The following OR9Q1 variants were observed in gnomAD, a reference collection of about 807,000 sequenced individuals.
OR9Q1 encodes olfactory receptor family 9 subfamily Q member 1, also known as olfactory receptor 9Q1.
For synonymous variants in OR9Q1, 153 were observed against 148.6 expected (o/e 1.03, Z -0.22); for missense variants, 374 against 378.8 (o/e 0.99, Z 0.11).
chr11:58,030,009 C>CT (rs1260652405), intron 1 of OR9Q1, among the ~76,000 whole-genome samples: 1 of 151,850 alleles, frequency 6.6e-6, no homozygotes, highest in Non-Finnish European at 1.5e-5. Context: ...GCTGGGCTAA[C>CT]TTTTGTACTT....
At chr11:58,054,107 C>T (rs1205414670) in intron 1 of OR9Q1, among the ~76,000 whole-genome samples, 1 of 152,090 alleles carries the variant, frequency 6.6e-6, no homozygotes, top group Non-Finnish European at 1.5e-5. Flanking sequence ...CCCATGAATA[C>T]ATACAATTTT....
At chr11:58,129,846 GC>G (rs1286468655) in intron 2 of OR9Q1, among the ~76,000 whole-genome samples, 5 of 151,298 alleles carry the variant, frequency 3.3e-5, no homozygotes, top group African/African-American at 1.2e-4. Flanking sequence ...AGAGGGCAGG[GC>G]TTTTTTTTTC....
chr11:58,094,634 G>A (rs1029219300), intron 2 of OR9Q1, among the ~76,000 whole-genome samples: 6 of 152,126 alleles, frequency 3.9e-5, no homozygotes, highest in African/African-American at 1.4e-4. Flanking sequence ...GAAACATTTA[G>A]TGATATGTTA....
chr11:58,127,570 G>C (rs981573868), intron 2 of OR9Q1, among the ~76,000 whole-genome samples: 7 of 152,282 alleles, frequency 4.6e-5, no homozygotes, highest in Non-Finnish European at 1.0e-4. Flanking sequence ...CTGCCTCCAA[G>C]TGGTGTGACT....
chr11:58,179,835 C>A lies in OR9Q1; in HGVS notation c.391C>A (p.Leu131Ile), dbSNP rs768038693. 1.9e-6 allele frequency: 3 copies of A among 1,614,040 alleles called. No homozygotes were observed. The highest frequency in any genetic ancestry group is 1.3e-5 in the African/African-American group (1 of 74,946). Residue 131 changes from leucine to isoleucine, a missense_variant, in exon 3 of 3, where the codon CTT becomes ATT. Physicochemically the swap from Leu to Ile is conservative, Grantham distance 5. Coordinates refer to ENST00000335397, the MANE Select transcript of OR9Q1 (RefSeq NM_001005212.4). ...CTACTTGGCTGTGTGCCAGCCCCTGCTTTATGTCACCATCCTGACACAGCA... is the reference window on the plus strand; with the variant it reads ...CTACTTGGCTGTGTGCCAGCCCCTGATTTATGTCACCATCCTGACACAGCA... Reference protein sequence around the residue: ...DRYLAVCQPLLYVTILTQQAR... With the variant: ...DRYLAVCQPLIYVTILTQQAR...
chr11:58,053,752 G>T (rs1853299260), intron 1 of OR9Q1, among the ~76,000 whole-genome samples: 1 of 147,040 alleles, frequency 6.8e-6, no homozygotes, highest in Non-Finnish European at 1.5e-5. Flanking sequence ...CTTCATGGCT[G>T]AGACACTCTT....
At chr11:58,126,888 G>A (rs1565084224) in intron 2 of OR9Q1, among the ~76,000 whole-genome samples, 1 of 152,054 alleles carries the variant, frequency 6.6e-6, no homozygotes, top group Non-Finnish European at 1.5e-5. Flanking sequence ...TTGACACATT[G>A]GGGGATCTAG....
chr11:58,034,072 T>G, intron 1 of OR9Q1, among the ~76,000 whole-genome samples: 1 of 137,068 alleles, frequency 7.3e-6, no homozygotes, highest in East Asian at 2.4e-4. Flanking sequence ...GCTCAGCACT[T>G]GCTTTTTTTT....
At chr11:58,167,238 C>T (rs1369052385) in intron 2 of OR9Q1, among the ~76,000 whole-genome samples, 1 of 152,106 alleles carries the variant, frequency 6.6e-6, no homozygotes. Context: ...AGTTTCTTTA[C>T]CCCTGAATTT....
intron 2 of OR9Q1, chr11:58,171,417 T>A (rs376531951): frequency 6.6e-6 from 1 of 152,224 alleles, no homozygotes; most frequent in African/African-American, 2.4e-5. Flanking sequence ...ACCAGACTAG[T>A]TTTGATCCTG....
At chr11:58,135,849 T>C (rs1038668968) in intron 2 of OR9Q1, among the ~76,000 whole-genome samples, 2 of 152,216 alleles carry the variant, frequency 1.3e-5, no homozygotes, top group African/African-American at 4.8e-5. Context: ...TGTACTATTA[T>C]CAAGCTGATC....
intron 1 of OR9Q1, chr11:58,041,472 G>C (rs1853161859): frequency 6.5e-6 from 1 of 154,102 alleles, no homozygotes; most frequent in African/African-American, 2.4e-5. Flanking sequence ...TGAGCTGGCA[G>C]TTGTTGGCTC....
At chr11:58,044,550 C>A (rs892318429) in intron 1 of OR9Q1, 1 of 152,200 alleles carries the variant, frequency 6.6e-6, no homozygotes, top group Non-Finnish European at 1.5e-5. Context: ...TCATCGTTTT[C>A]ACTTACTAGG....
chr11:58,037,689 A>ATTTTTT (rs554392577), intron 1 of OR9Q1, among the ~76,000 whole-genome samples: 1 of 7,000 alleles, frequency 1.4e-4, no homozygotes, highest in Non-Finnish European at 2.6e-4. Flanking sequence ...ATATATATAT[A>ATTTTTT]TTTTTTTTTT....
chr11:58,086,515 C>G (rs58435403), intron 2 of OR9Q1, among the ~76,000 whole-genome samples: 1 of 141,968 alleles, frequency 7.0e-6, no homozygotes, highest in African/African-American at 2.5e-5. Context: ...GATATATAAC[C>G]AAAGGAATTG....
intron 1 of OR9Q1, among the ~76,000 whole-genome samples, chr11:58,030,652 C>T (rs1208469940): frequency 6.6e-6 from 1 of 152,166 alleles, no homozygotes; most frequent in African/African-American, 2.4e-5. Context: ...TTTTCAGGTT[C>T]AGCTATAGAC....
At chr11:58,093,991 C>G (rs1853708228) in intron 2 of OR9Q1, among the ~76,000 whole-genome samples, 1 of 152,044 alleles carries the variant, frequency 6.6e-6, no homozygotes. Flanking sequence ...TATGCCTGCA[C>G]TCATATGTTT....
intron 2 of OR9Q1, among the ~76,000 whole-genome samples, chr11:58,094,444 C>T (rs754853157): frequency 3.9e-5 from 6 of 152,096 alleles, no homozygotes; most frequent in Non-Finnish European, 7.4e-5. Flanking sequence ...TATAATACCG[C>T]CCTCAAAATA....
intron 2 of OR9Q1, among the ~76,000 whole-genome samples, chr11:58,103,366 A>T (rs556369088): frequency 1.3e-5 from 2 of 152,286 alleles, no homozygotes; most frequent in African/African-American, 4.8e-5. Flanking sequence ...TGATTATGGG[A>T]ATTACAAGTT....
Sources: gnomAD v4.1 joint callset for allele counts (sites outside exome capture counted in the v4.1 genomes callset) on GRCh38, gnomAD v4.1.1 for gene constraint, MANE v1.5 for transcripts, NCBI Gene and HGNC (gene_info 2026-07-23, HGNC 2026-07-21) for gene names.